The following SLC35A3 variants were observed in gnomAD, a reference collection of about 807,000 sequenced individuals.
SLC35A3 encodes solute carrier family 35 member A3.
A neutral mutation model predicts 39.0 loss-of-function variants in SLC35A3; 26 were observed. The observed-to-expected ratio is 0.67, with a 90% confidence interval of 0.49 to 0.92. The LOEUF (loss-of-function observed/expected upper bound fraction) is 0.92. Among genes scored for constraint, SLC35A3 ranks in the 40% least tolerant of loss-of-function variants. SLC35A3 has a pLI of 0.00. For synonymous variants in SLC35A3, 135 were observed against 133.1 expected (o/e 1.01, Z -0.10); for missense variants, 299 against 371.6 (o/e 0.80, Z 1.61).
In SLC35A3 at chr1:100,033,107, C is replaced by G. The variant is rs1298271423; in HGVS notation, c.*10631C>G. 2 of 151,980 alleles carry G rather than the reference C, an allele frequency of 1.3e-5. No homozygotes were observed. The allele number at this position is 151,980 out of a possible 1,614,324, so 9.4% of individuals were successfully genotyped here. On this transcript the variant is annotated 3_prime_UTR_variant, in exon 8 of 8. Coordinates refer to ENST00000533028, the MANE Select transcript of SLC35A3 (RefSeq NM_012243.3). ...TTCTAGGCCATTTTAGTGGACATAGCTAGGAAATACAATTTTAAAAGATCA... is the reference window on the plus strand; with the variant it reads ...TTCTAGGCCATTTTAGTGGACATAGGTAGGAAATACAATTTTAAAAGATCA...
intron 1 of SLC35A3, among the ~76,000 whole-genome samples, chr1:99,982,090 C>T (rs1231785893): frequency 1.3e-5 from 2 of 151,120 alleles, no homozygotes; most frequent in African/African-American, 2.4e-5. Flanking sequence ...CTGCAACCTC[C>T]GCCTCTTGGG....
chr1:99,970,315 A>G, intron 1 of SLC35A3, 153 bp downstream of exon 1: 1 of 519,768 alleles, frequency 1.9e-6, no homozygotes, highest in Non-Finnish European at 3.4e-6. Context: ...CGAAGACCTG[A>G]AATACAGTGC....
chr1:100,019,636 TTTTG>T (rs371050210), intron 7 of SLC35A3, among the ~76,000 whole-genome samples: 11 of 152,242 alleles, frequency 7.2e-5, no homozygotes, highest in African/African-American at 2.4e-4. Context: ...GAAACTGGGT[TTTTG>T]TTTGTTTGTT....
chr1:100,010,493 G>C (rs750308260), intron 4 of SLC35A3, among the ~76,000 whole-genome samples: 3 of 152,194 alleles, frequency 2.0e-5, no homozygotes, highest in Middle Eastern at 6.8e-3. Flanking sequence ...AGGAGTTTGA[G>C]ACCATCCTGG....
intron 3 of SLC35A3, among the ~76,000 whole-genome samples, chr1:100,001,922 T>A (rs868190181): frequency 7.6e-4 from 116 of 152,342 alleles, no homozygotes; most frequent in Middle Eastern, 3.4e-3. Flanking sequence ...TGCATATATA[T>A]TAAACCATCT....
intron 3 of SLC35A3, among the ~76,000 whole-genome samples, chr1:100,003,835 T>C (rs1030384651): frequency 2.0e-5 from 3 of 152,198 alleles, no homozygotes; most frequent in Non-Finnish European, 4.4e-5. Flanking sequence ...TAGAATTGCT[T>C]TATAGTGTTG....
At chr1:99,983,895 T>C (rs1354655780) in intron 1 of SLC35A3, among the ~76,000 whole-genome samples, 1 of 152,212 alleles carries the variant, frequency 6.6e-6, no homozygotes, top group African/African-American at 2.4e-5. Flanking sequence ...TGCTTGGGAT[T>C]ACAGGCATGA....
intron 4 of SLC35A3, among the ~76,000 whole-genome samples, chr1:100,009,990 G>A (rs923015181): frequency 1.1e-4 from 16 of 152,238 alleles, no homozygotes; most frequent in African/African-American, 3.6e-4. Context: ...AAACTATGCT[G>A]TAGAACTACA....
intron 1 of SLC35A3, among the ~76,000 whole-genome samples, chr1:99,986,879 C>T (rs992139973): frequency 8.5e-5 from 13 of 152,198 alleles, no homozygotes; most frequent in South Asian, 2.1e-4. Flanking sequence ...TGAGCCACCA[C>T]GCCTGGCCTA....
In SLC35A3 at chr1:100,027,128, T is replaced by C; in HGVS notation, c.*4652T>C. ...CTATCACTGTCACATGTGATCTTTC[T>C]TCCTTTTCTCTAGCCCATATTCTAG... is the stretch of plus-strand genomic sequence containing the variant. On this transcript the variant is annotated 3_prime_UTR_variant, in exon 8 of 8. Transcript: ENST00000533028. The C allele has an allele frequency of 2.5e-6, 1 of 398,614 alleles. No individual in the cohort carries two copies. Among genetic ancestry groups the C allele is most frequent in the Non-Finnish European group, 4.4e-6 (1 of 226,056 alleles). The allele number at this position is 398,614 out of a possible 1,614,324, so 24.7% of individuals were successfully genotyped here. A position where few individuals can be genotyped will look rare whatever the true frequency, so the allele number is the denominator to read the frequency against.
chr1:100,020,146 A>AG (rs1660435528), intron 7 of SLC35A3, among the ~76,000 whole-genome samples: 1 of 152,166 alleles, frequency 6.6e-6, no homozygotes, highest in Admixed American at 6.6e-5. Flanking sequence ...ATTCTGTTAG[A>AG]GGGGGCTCAA....
At chr1:99,972,154 A>G (rs1186091802) in intron 1 of SLC35A3, among the ~76,000 whole-genome samples, 2 of 151,262 alleles carry the variant, frequency 1.3e-5, no homozygotes, top group East Asian at 3.9e-4. Flanking sequence ...ACCTGCCTCG[A>G]CATCCCAAAG....
intron 1 of SLC35A3, among the ~76,000 whole-genome samples, chr1:99,981,859 T>C (rs761166586): frequency 1.3e-5 from 2 of 151,980 alleles, no homozygotes; most frequent in Non-Finnish European, 2.9e-5. Flanking sequence ...TGGAGACATA[T>C]CAGCAAAATA....
chr1:100,000,559 G>C (rs1658699639), intron 3 of SLC35A3: 1 of 151,886 alleles, frequency 6.6e-6, no homozygotes, highest in Non-Finnish European at 1.5e-5. Flanking sequence ...AAGCTTTTTA[G>C]TTTAATATAG....
rs140455064 is a variant in SLC35A3, at chr1:99,993,907, C to CATTTT, written c.187+168_187+172dup. Among the ~76,000 whole-genome samples the CATTTT allele has an allele frequency of 0.25, 37,923 of 151,698 alleles. 7,246 individuals carry two copies. Among genetic ancestry groups the CATTTT allele is most frequent in the African/African-American group, 0.54 (22,318 of 41,230 alleles). ...GACATTTTAAGTCTAGTAATAAAGC[C>CATTTT]ATTTTAATCTGTATCATGATTCATA... On this transcript the variant is annotated intron_variant, in intron 2 of 7. Coordinates refer to ENST00000533028, the MANE Select transcript of SLC35A3 (RefSeq NM_012243.3).
intron 1 of SLC35A3, 21 bp from the exon 2 acceptor site, chr1:99,993,516 C>T (rs758965337): frequency 2.5e-6 from 4 of 1,593,062 alleles, no homozygotes; most frequent in Non-Finnish European, 3.4e-6. Context: ...ATTTATTTGC[C>T]CTGTTTATTT....
chr1:99,975,337 C>T lies in SLC35A3; in HGVS notation c.-19+5175C>T, dbSNP rs761715764. On this transcript the variant is annotated intron_variant, in intron 1 of 7. Coordinates refer to ENST00000533028, the MANE Select transcript of SLC35A3 (RefSeq NM_012243.3). ...TTTATTTATTATTTTATAAATTCAA[C>T]ATAGAGTAAATGCTTAATATATGAA... Among the ~76,000 whole-genome samples, 3 of 152,092 alleles carry T rather than the reference C, an allele frequency of 2.0e-5. No individual in the cohort carries two copies. In the East Asian group the frequency reaches 5.8e-4, roughly 29 times the overall value.
intron 2 of SLC35A3, among the ~76,000 whole-genome samples, chr1:99,995,005 A>G (rs1658299609): frequency 6.6e-6 from 1 of 151,986 alleles, no homozygotes; most frequent in Non-Finnish European, 1.5e-5. Flanking sequence ...AGCCATTCTA[A>G]TAGGTGTGAA....
rs1660846904 is a variant in SLC35A3 at position 100,025,275 on chromosome 1, ATTGG to A, written c.*2806_*2809del. 1 of 152,364 alleles carries A rather than the reference ATTGG, an allele frequency of 6.6e-6. No homozygotes were observed. The highest frequency in any genetic ancestry group is 2.4e-5 in the African/African-American group (1 of 41,594). The allele number at this position is 152,364 out of a possible 1,614,324, so 9.4% of individuals were successfully genotyped here. On this transcript the variant is annotated 3_prime_UTR_variant, in exon 8 of 8. Transcript: ENST00000533028. ...ATTTATGTTTAGCTCACATTGAAGT[ATTGG>A]TTGGTTACTTATGTATTAATGCAGT... is the stretch of plus-strand genomic sequence containing the variant.
Sources: gnomAD v4.1 joint callset for allele counts (sites outside exome capture counted in the v4.1 genomes callset) on GRCh38, gnomAD v4.1.1 for gene constraint, MANE v1.5 for transcripts, NCBI Gene and HGNC (gene_info 2026-07-23, HGNC 2026-07-21) for gene names.